Variants in ROBO1 observed in about 807,000 individuals in gnomAD.
ROBO1 encodes the protein roundabout guidance receptor 1.
In ROBO1, 149 loss-of-function variants were observed where a neutral mutation model predicts 195.9. The observed-to-expected ratio is 0.76, with a 90% CI of 0.67 to 0.87. The LOEUF is 0.87. Ranked by LOEUF, ROBO1 falls within the 40% of genes least tolerant of loss-of-function variation. ROBO1 has a pLI of 0.00. For synonymous variants in ROBO1, 816 were observed against 733.2 expected, an observed-to-expected ratio of 1.11 and a Z score of -1.82; for missense variants, 1,933 against 2,068.3, an observed-to-expected ratio of 0.93 and a Z score of 1.27.
chr3:78,899,178 G>A (rs2037434133), intron 4 of ROBO1, among the ~76,000 whole-genome samples: 1 of 151,910 alleles, frequency 6.6e-6, no homozygotes, highest in Non-Finnish European at 1.5e-5. Context: ...CACTTTTTTT[G>A]AAAGATAAAG....
intron 3 of ROBO1, among the ~76,000 whole-genome samples, chr3:79,071,638 T>C (rs2079090942): frequency 6.6e-6 from 1 of 151,694 alleles, no homozygotes; most frequent in African/African-American, 2.4e-5. Flanking sequence ...AATTCAATGA[T>C]TTTATGATAA....
intron 1 of ROBO1, among the ~76,000 whole-genome samples, chr3:79,681,719 C>T (rs1252309300): frequency 6.6e-6 from 1 of 151,852 alleles, no homozygotes; most frequent in Non-Finnish European, 1.5e-5. Context: ...TTTGGTAGGC[C>T]TACTCTGGGG....
At chr3:79,097,640 A>C (rs1376930067) in intron 3 of ROBO1, among the ~76,000 whole-genome samples, 2 of 151,810 alleles carry the variant, frequency 1.3e-5, no homozygotes, top group South Asian at 4.1e-4. Context: ...ATCCACTAAG[A>C]ATCAAGAAGT....
At chr3:79,325,351 C>G (rs1441910650) in intron 2 of ROBO1, among the ~76,000 whole-genome samples, 1 of 152,048 alleles carries the variant, frequency 6.6e-6, no homozygotes, top group Non-Finnish European at 1.5e-5. Context: ...CATTCTTCAC[C>G]CCTCAAAAAA....
chr3:79,709,040 A>G (rs1003360998), intron 1 of ROBO1, among the ~76,000 whole-genome samples: 1 of 152,166 alleles, frequency 6.6e-6, no homozygotes, highest in African/African-American at 2.4e-5. Flanking sequence ...TCAAGTGTTC[A>G]TTACACACAG....
At chr3:79,725,139 G>T (rs879533501) in intron 1 of ROBO1, among the ~76,000 whole-genome samples, 1 of 151,980 alleles carries the variant, frequency 6.6e-6, no homozygotes, top group African/African-American at 2.4e-5. Flanking sequence ...ATGATACCTG[G>T]ATGCCAGTCT....
At chr3:79,069,827 G>C (rs1175254669) in intron 3 of ROBO1, among the ~76,000 whole-genome samples, 3 of 151,846 alleles carry the variant, frequency 2.0e-5, no homozygotes, top group Non-Finnish European at 4.4e-5. Context: ...CAGTATATGA[G>C]AACAATTCCC....
chr3:78,775,318 T>A (rs2083477570), intron 4 of ROBO1, among the ~76,000 whole-genome samples: 1 of 152,224 alleles, frequency 6.6e-6, no homozygotes, highest in African/African-American at 2.4e-5. Flanking sequence ...GGTACAGACG[T>A]TCATTTCCAG....
At chr3:79,416,184 G>C (rs919733230) in intron 2 of ROBO1, among the ~76,000 whole-genome samples, 2 of 151,944 alleles carry the variant, frequency 1.3e-5, no homozygotes, top group Admixed American at 6.6e-5. Context: ...CTACAAAATG[G>C]TAAATGCATT....
chr3:79,642,586 A>G (rs1945698340), intron 1 of ROBO1, among the ~76,000 whole-genome samples: 1 of 152,178 alleles, frequency 6.6e-6, no homozygotes, highest in Non-Finnish European at 1.5e-5. Flanking sequence ...GTCTCAATGG[A>G]AACCATATAG....
At chr3:79,093,204 G>A (rs1199498336) in intron 3 of ROBO1, among the ~76,000 whole-genome samples, 1 of 152,044 alleles carries the variant, frequency 6.6e-6, no homozygotes, top group Non-Finnish European at 1.5e-5. Flanking sequence ...CACCAGGTTT[G>A]GAATGACAAG....
At chr3:78,636,186 C>A (rs996802425) in intron 22 of ROBO1, 78 bp from the exon 23 acceptor site, 157 of 1,051,432 alleles carry the variant, frequency 1.5e-4, no homozygotes, top group East Asian at 7.8e-5. Flanking sequence ...CGTAGCTTTG[C>A]GAGTCATCAG....
intron 2 of ROBO1, among the ~76,000 whole-genome samples, chr3:79,369,290 C>T (rs966477861): frequency 1.3e-5 from 2 of 152,160 alleles, no homozygotes; most frequent in Non-Finnish European, 2.9e-5. Flanking sequence ...ACATAGAAAT[C>T]TAAATCCCTC....
chr3:79,171,335 C>A (rs1576767478), intron 2 of ROBO1, among the ~76,000 whole-genome samples: 1 of 145,526 alleles, frequency 6.9e-6, no homozygotes. Context: ...AGTGTGCTGC[C>A]AAGCATCTCT....
chr3:78,839,484 T>TA (rs1375597485), intron 4 of ROBO1, among the ~76,000 whole-genome samples: 1 of 151,612 alleles, frequency 6.6e-6, no homozygotes, highest in South Asian at 2.1e-4. Flanking sequence ...ACTATGATGC[T>TA]CCATTGATAA....
intron 3 of ROBO1, among the ~76,000 whole-genome samples, chr3:79,025,637 C>T (rs114144379): frequency 0.11 from 2,348 of 21,640 alleles, 69 homozygotes; most frequent in African/African-American, 0.26. Flanking sequence ...TTATCTACTT[C>T]AATAGAGAAC....
At chr3:79,576,145 G>A (rs993065517) in intron 2 of ROBO1, among the ~76,000 whole-genome samples, 1 of 151,702 alleles carries the variant, frequency 6.6e-6, no homozygotes, top group African/African-American at 2.4e-5. Flanking sequence ...ACATTTGAAC[G>A]GGGTTAAATA....
At chr3:79,009,497 T>G (rs190427942) in intron 3 of ROBO1, among the ~76,000 whole-genome samples, 2 of 152,172 alleles carry the variant, frequency 1.3e-5, no homozygotes, top group Non-Finnish European at 2.9e-5. Flanking sequence ...GAGAAAACCC[T>G]ACCTAAGAAA....
intron 3 of ROBO1, among the ~76,000 whole-genome samples, chr3:79,076,575 T>G (rs908287821): frequency 6.6e-6 from 1 of 151,682 alleles, no homozygotes; most frequent in Non-Finnish European, 1.5e-5. Flanking sequence ...TTTTTCATGA[T>G]TTTTCAGGGG....
Sources: gnomAD v4.1 joint callset for allele counts (sites outside exome capture counted in the v4.1 genomes callset) on GRCh38, gnomAD v4.1.1 for gene constraint, MANE v1.5 for transcripts, NCBI Gene and HGNC (gene_info 2026-07-23, HGNC 2026-07-21) for gene names.